SLC44A5: variants seen among roughly 807,000 people sequenced by gnomAD.
The protein encoded by SLC44A5 is solute carrier family 44 member 5, also known as choline transporter-like protein 5.
Under a neutral mutation model 101.8 loss-of-function variants are expected in SLC44A5, and 57 were observed. The observed-to-expected ratio is 0.56, with a 90% CI of 0.45 to 0.70. The LOEUF is 0.70. SLC44A5 is among the 30% of genes least tolerant of loss of function. SLC44A5 has a pLI of 0.00. For synonymous variants in SLC44A5, 281 were observed against 290.9 expected, an observed-to-expected ratio of 0.97 and a Z score of 0.35; for missense variants, 737 against 853.1, an observed-to-expected ratio of 0.86 and a Z score of 1.70.
chr1:75,679,706 A>G, the SLC44A5 span, among the ~76,000 whole-genome samples: 1 of 152,184 alleles, frequency 6.6e-6, no homozygotes, highest in South Asian at 2.1e-4. Context: ...TGCATCAACT[A>G]ACAAGCAAAA....
intron 1 of SLC44A5, among the ~76,000 whole-genome samples, chr1:75,595,976 A>G (rs890626587): frequency 1.6e-4 from 24 of 152,166 alleles, no homozygotes; most frequent in African/African-American, 5.6e-4. Flanking sequence ...TACATATCTG[A>G]CCTATTGACT....
intron 2 of SLC44A5, among the ~76,000 whole-genome samples, chr1:75,425,165 C>G (rs1664236720): frequency 6.6e-6 from 1 of 152,158 alleles, no homozygotes; most frequent in African/African-American, 2.4e-5. Flanking sequence ...GAAGGTGAAA[C>G]AAGAGGTACA....
At chr1:75,656,436 C>T in the SLC44A5 span, among the ~76,000 whole-genome samples, 2,444 of 152,062 alleles carry the variant, frequency 0.016, 73 homozygotes, top group African/African-American at 0.056. Context: ...AATCAACCAA[C>T]GATAATAACT....
intron 2 of SLC44A5, among the ~76,000 whole-genome samples, chr1:75,477,278 A>T (rs1390526450): frequency 6.6e-6 from 1 of 152,194 alleles, no homozygotes; most frequent in Non-Finnish European, 1.5e-5. Context: ...AAAGACTAAA[A>T]GTAGATAAAA....
chr1:75,480,737 C>A (rs917896021), intron 2 of SLC44A5, among the ~76,000 whole-genome samples: 8 of 151,992 alleles, frequency 5.3e-5, no homozygotes, highest in African/African-American at 1.7e-4. Flanking sequence ...CAAACCACTG[C>A]TCAATGAAAT....
At chr1:75,276,704 C>T (rs909836571) in intron 5 of SLC44A5, among the ~76,000 whole-genome samples, 1 of 152,078 alleles carries the variant, frequency 6.6e-6, no homozygotes, top group Non-Finnish European at 1.5e-5. Flanking sequence ...TTTGGGTTTC[C>T]CCAAAAGCAA....
intron 2 of SLC44A5, among the ~76,000 whole-genome samples, chr1:75,464,778 G>C (rs139933710): frequency 8.5e-4 from 130 of 152,248 alleles, no homozygotes; most frequent in African/African-American, 3.1e-3. Flanking sequence ...ACTATATGAA[G>C]AGACAAAGGT....
At chr1:75,424,505 A>T (rs753880357) in intron 2 of SLC44A5, among the ~76,000 whole-genome samples, 14 of 152,122 alleles carry the variant, frequency 9.2e-5, no homozygotes, top group Non-Finnish European at 1.8e-4. Context: ...AGGTTTCACC[A>T]CGTTGACCAG....
At chr1:75,214,819 G>GATAC in intron 19 of SLC44A5, 141 bp from the exon 20 acceptor site, 5 of 634,902 alleles carry the variant, frequency 7.9e-6, no homozygotes, top group East Asian at 2.8e-5. Flanking sequence ...ATGTGTATTT[G>GATAC]TGGGACACAC....
chr1:75,406,964 C>T (rs1391494733), intron 2 of SLC44A5, among the ~76,000 whole-genome samples: 2 of 151,982 alleles, frequency 1.3e-5, no homozygotes, highest in African/African-American at 2.4e-5. Context: ...AAAACCCTAT[C>T]GCCTCAGCCC....
At position 75,336,342 on chromosome 1, in the gene SLC44A5, C is replaced by T. The variant is rs544748795; in HGVS notation, c.101+3240G>A. ...CTACTTTTGATATTTTTAGTGGAGA[C>T]GGGGTTTCACCATGTTGGCCAGGCT... On this transcript the variant is annotated intron_variant, in intron 4 of 23. Coordinates refer to ENST00000370859, the MANE Select transcript of SLC44A5 (RefSeq NM_001130058.2). Among the ~76,000 whole-genome samples the T allele has an allele frequency of 6.1e-4, 93 of 152,012 alleles. 1 individual carries two copies. Among genetic ancestry groups the T allele is most frequent in the Middle Eastern group, 3.4e-3 (1 of 294 alleles).
At chr1:75,588,372 C>T (rs1269708055) in intron 1 of SLC44A5, among the ~76,000 whole-genome samples, 1 of 151,896 alleles carries the variant, frequency 6.6e-6, no homozygotes, top group African/African-American at 2.4e-5. Context: ...TATAACTTTG[C>T]TATTTGTTAT....
the SLC44A5 span, among the ~76,000 whole-genome samples, chr1:75,699,712 C>A: frequency 1.3e-5 from 2 of 151,890 alleles, no homozygotes; most frequent in East Asian, 3.9e-4. Flanking sequence ...CACAGACTGG[C>A]AAATTGGATA....
chr1:75,682,416 A>G, the SLC44A5 span, among the ~76,000 whole-genome samples: 3 of 152,022 alleles, frequency 2.0e-5, no homozygotes, highest in African/African-American at 7.2e-5. Context: ...GATATAGATC[A>G]ATGGAACAGA....
At chr1:75,206,662 T>C (rs1646753751) in intron 23 of SLC44A5, 1 of 1,613,138 alleles carries the variant, frequency 6.2e-7, no homozygotes, top group Non-Finnish European at 8.5e-7. Context: ...TCCATGCAGG[T>C]TAGGGGTTAC....
chr1:75,601,373 CGGGGGCTGGGGGGCTGGGG>C (rs1674971209), intron 1 of SLC44A5, among the ~76,000 whole-genome samples: 2 of 5,066 alleles, frequency 3.9e-4, no homozygotes, highest in South Asian at 0.011. Context: ...TGGGGCTTGT[CGGGGGCTGGGGGGCTGGGG>C]GGCTAGAGGA....
chr1:75,650,636 T>C, the SLC44A5 span, among the ~76,000 whole-genome samples: 1 of 152,246 alleles, frequency 6.6e-6, no homozygotes, highest in Non-Finnish European at 1.5e-5. Context: ...ATAAGTCTTA[T>C]TAGAATGACA....
chr1:75,489,036 T>C (rs1471052298), intron 2 of SLC44A5, among the ~76,000 whole-genome samples: 2 of 151,954 alleles, frequency 1.3e-5, no homozygotes, highest in African/African-American at 4.8e-5. Context: ...TTAGTGGAGA[T>C]AGGGTTTCTC....
intron 1 of SLC44A5, among the ~76,000 whole-genome samples, chr1:75,550,115 T>A (rs1245061488): frequency 1.3e-5 from 2 of 152,090 alleles, no homozygotes; most frequent in East Asian, 3.8e-4. Context: ...TGTATACAAA[T>A]GTTCATAGCA....
Sources: allele counts gnomAD v4.1 joint callset (sites outside exome capture counted in the v4.1 genomes callset), GRCh38; gene constraint gnomAD v4.1.1; transcripts MANE v1.5; gene names NCBI Gene and HGNC (gene_info 2026-07-23, HGNC 2026-07-21).